The following KCNIP1 variants were observed in gnomAD, a reference collection of about 807,000 sequenced individuals.
KCNIP1 encodes A-type potassium channel modulatory protein KCNIP1.
In KCNIP1, 18 loss-of-function variants were observed where a neutral mutation model predicts 33.0. That is an observed-to-expected ratio of 0.55 (90% CI 0.38 to 0.81). KCNIP1 has a LOEUF of 0.81. Among genes scored for constraint, KCNIP1 ranks in the 30% least tolerant of loss-of-function variants. The pLI is 0.00. For synonymous variants in KCNIP1, 93 were observed against 98.3 expected, an observed-to-expected ratio of 0.95 and a Z score of 0.32; for missense variants, 238 against 271.6, an observed-to-expected ratio of 0.88 and a Z score of 0.87.
intron 1 of KCNIP1, among the ~76,000 whole-genome samples, chr5:170,584,601 G>T (rs1430438770): frequency 6.6e-6 from 1 of 152,186 alleles, no homozygotes; most frequent in African/African-American, 2.4e-5. Context: ...GAGTGGTTGA[G>T]TCTGCACGAG....
intron 1 of KCNIP1, among the ~76,000 whole-genome samples, chr5:170,570,207 G>A (rs1324840181): frequency 6.6e-6 from 1 of 152,154 alleles, no homozygotes; most frequent in African/African-American, 2.4e-5. Context: ...AAAATCCTTA[G>A]GGAAATTAAA....
At chr5:170,724,437 T>C (rs989471700) in intron 5 of KCNIP1, among the ~76,000 whole-genome samples, 1 of 152,226 alleles carries the variant, frequency 6.6e-6, no homozygotes, top group African/African-American at 2.4e-5. Flanking sequence ...AATACAACTA[T>C]GTGAGTTTTA....
intron 1 of KCNIP1, among the ~76,000 whole-genome samples, chr5:170,683,672 C>T (rs1040832505): frequency 1.3e-5 from 2 of 152,134 alleles, no homozygotes; most frequent in African/African-American, 2.4e-5. Flanking sequence ...TCCAAAGAAC[C>T]CATCTGTAGT....
At chr5:170,710,232 G>A (rs1177985643) in intron 1 of KCNIP1, among the ~76,000 whole-genome samples, 1 of 152,122 alleles carries the variant, frequency 6.6e-6, no homozygotes, top group Non-Finnish European at 1.5e-5. Flanking sequence ...TATCTACCAA[G>A]TCACTTATTA....
intron 1 of KCNIP1, among the ~76,000 whole-genome samples, chr5:170,448,813 C>A (rs1045213158): frequency 6.6e-6 from 1 of 152,160 alleles, no homozygotes; most frequent in Non-Finnish European, 1.5e-5. Flanking sequence ...TTCATCTACC[C>A]AGCACCCATT....
rs540970187 is a variant in KCNIP1, at chr5:170,444,070, G to A, written c.88+90106G>A. 5.9e-5 allele frequency among the ~76,000 whole-genome samples: 9 copies of A among 152,322 alleles called. No individual in the cohort carries two copies. The South Asian group carries it at 1.9e-3, about 32-fold the overall frequency. On this transcript the variant is annotated intron_variant, in intron 1 of 7. Coordinates refer to the KCNIP1 transcript ENST00000377360. ...TTCATAACTTTAAGTATGCAGATGTGGTAAGTGGACCTCAGTATTAGCTTC... is the reference window on the plus strand; with the variant it reads ...TTCATAACTTTAAGTATGCAGATGTAGTAAGTGGACCTCAGTATTAGCTTC...
At chr5:170,496,698 T>G (rs981366051) in intron 1 of KCNIP1, among the ~76,000 whole-genome samples, 1 of 152,308 alleles carries the variant, frequency 6.6e-6, no homozygotes, top group Non-Finnish European at 1.5e-5. Context: ...TTGCACACAC[T>G]TTAGAAAGAC....
intron 1 of KCNIP1, among the ~76,000 whole-genome samples, chr5:170,699,047 G>A (rs186834965): frequency 1.4e-4 from 22 of 152,062 alleles, no homozygotes; most frequent in Admixed American, 4.6e-4. Flanking sequence ...TCCCAGGGCC[G>A]CTGAGGACTG....
intron 1 of KCNIP1, among the ~76,000 whole-genome samples, chr5:170,381,200 G>A (rs1206550398): frequency 6.6e-6 from 1 of 152,122 alleles, no homozygotes; most frequent in Non-Finnish European, 1.5e-5. Flanking sequence ...ACTCTTCATG[G>A]CCAAACCCAG....
chr5:170,455,449 T>A (rs1335011200), intron 1 of KCNIP1, among the ~76,000 whole-genome samples: 1 of 152,188 alleles, frequency 6.6e-6, no homozygotes, highest in Non-Finnish European at 1.5e-5. Flanking sequence ...AGGTGATACA[T>A]GGGCCTCAGC....
At chr5:170,428,949 A>G (rs1411500570) in intron 1 of KCNIP1, among the ~76,000 whole-genome samples, 1 of 151,938 alleles carries the variant, frequency 6.6e-6, no homozygotes, top group African/African-American at 2.4e-5. Flanking sequence ...GCTTCTGGAT[A>G]CCACCCTTTC....
chr5:170,521,903 A>G (rs184866977), intron 1 of KCNIP1, among the ~76,000 whole-genome samples: 108 of 152,326 alleles, frequency 7.1e-4, no homozygotes, highest in Non-Finnish European at 1.4e-3. Flanking sequence ...GTAGTCACTC[A>G]GGGACCTAGC....
chr5:170,579,091 T>C (rs1757702292), intron 1 of KCNIP1, among the ~76,000 whole-genome samples: 1 of 152,132 alleles, frequency 6.6e-6, no homozygotes, highest in South Asian at 2.1e-4. Context: ...GGTAGCTGAG[T>C]CAGGACTAGA....
At chr5:170,632,066 G>T (rs753834009) in intron 1 of KCNIP1, among the ~76,000 whole-genome samples, 1 of 152,170 alleles carries the variant, frequency 6.6e-6, no homozygotes, top group South Asian at 2.1e-4. Flanking sequence ...AGTCCTCGCC[G>T]GCCACAGAGG....
At chr5:170,523,337 C>T (rs557539221) in intron 1 of KCNIP1, among the ~76,000 whole-genome samples, 38 of 152,188 alleles carry the variant, frequency 2.5e-4, no homozygotes, top group Non-Finnish European at 5.3e-4. Flanking sequence ...AAGCCCTCCG[C>T]CAGGAAAGCC....
At chr5:170,371,918 T>C (rs1299959445) in intron 1 of KCNIP1, among the ~76,000 whole-genome samples, 2 of 152,064 alleles carry the variant, frequency 1.3e-5, no homozygotes, top group Non-Finnish European at 2.9e-5. Context: ...AGGGTTTTCT[T>C]CCCCCCTACT....
intron 1 of KCNIP1, among the ~76,000 whole-genome samples, chr5:170,653,873 C>T (rs982688013): frequency 6.6e-6 from 1 of 151,918 alleles, no homozygotes; most frequent in African/African-American, 2.4e-5. Context: ...CAACTGGTGG[C>T]CAGGAGGAGC....
intron 1 of KCNIP1, among the ~76,000 whole-genome samples, chr5:170,478,623 C>A (rs1359679526): frequency 6.6e-6 from 1 of 152,180 alleles, no homozygotes; most frequent in Non-Finnish European, 1.5e-5. Context: ...ATCTCTCTAC[C>A]AAGCCCAGTT....
intron 1 of KCNIP1, among the ~76,000 whole-genome samples, chr5:170,702,913 A>G (rs2113839504): frequency 6.7e-6 from 1 of 149,794 alleles, no homozygotes; most frequent in African/African-American, 2.4e-5. Context: ...CAGAAGTGTC[A>G]CCTTTTCTCT....
Sources: allele counts gnomAD v4.1 joint callset (sites outside exome capture counted in the v4.1 genomes callset), GRCh38; gene constraint gnomAD v4.1.1; transcripts MANE v1.5; gene names NCBI Gene and HGNC (gene_info 2026-07-23, HGNC 2026-07-21).